WFS1: variants seen among roughly 807,000 people sequenced by gnomAD.
WFS1 encodes the protein wolframin ER transmembrane glycoprotein.
WFS1 carries 90 observed loss-of-function variants against 68.5 expected under a neutral mutation model. The ratio of observed to expected loss-of-function variants is 1.31; its 90% CI spans 1.11 to 1.56. The LOEUF (loss-of-function observed/expected upper bound fraction) is 1.56, where lower values mean the gene tolerates loss of function less well. Among genes scored for constraint, WFS1 ranks in the 40% most tolerant of loss-of-function variants. The pLI is 0.00. For synonymous variants in WFS1, 860 were observed against 540.7 expected (o/e 1.59, Z -8.19); for missense variants, 1,767 against 1,232.6 (o/e 1.43, Z -6.49).
chr4:6,299,708 T>G (rs1730785718), intron 7 of WFS1, among the ~76,000 whole-genome samples: 1 of 122,982 alleles, frequency 8.1e-6, no homozygotes, highest in African/African-American at 3.2e-5. Flanking sequence ...TGAATGTGTG[T>G]GTAGGGGTGG....
Position 6,301,809 on chromosome 4 carries a change from C to T in WFS1, c.2014C>T (p.Leu672=), listed in dbSNP as rs371641193. ...ACTGACCTGGCAGCAGTATGGTGCG[C>T]TGTGCGGGCCACGCGCCTGGAAGGA... The part of the protein sequence containing the change: ...STLTWQQYGA[L]CGPRAWKETN... Residue 672 remains leucine, a synonymous_variant, in exon 8 of 8, where the codon CTG becomes TTG. Coordinates refer to ENST00000226760, the MANE Select transcript of WFS1 (RefSeq NM_006005.3). The T allele has an allele frequency of 2.5e-6, 4 of 1,613,316 alleles. No individual in the cohort carries two copies. Among genetic ancestry groups the T allele is most frequent in the East Asian group, 4.5e-5 (2 of 44,886 alleles).
rs1018522013 is a variant in WFS1, at chr4:6,302,873, T to C, written c.*405T>C. On this transcript the variant is annotated 3_prime_UTR_variant, in exon 8 of 8. Transcript: ENST00000226760. ...TGTTTAAAAACCAAATAAGCATCTG[T>C]GTAACCTCCACAGTAGCATTTCTTA... 1 of 280,738 alleles carries C rather than the reference T, an allele frequency of 3.6e-6. No homozygotes were observed. Among genetic ancestry groups the C allele is most frequent in the African/African-American group, 2.2e-5 (1 of 45,504 alleles). The allele number at this position is 280,738 out of a possible 1,614,324, so 17.4% of individuals were successfully genotyped here.
intron 1 of WFS1, among the ~76,000 whole-genome samples, chr4:6,271,488 G>T (rs1019230091): frequency 6.6e-6 from 1 of 152,152 alleles, no homozygotes; most frequent in Non-Finnish European, 1.5e-5. Context: ...AGACAGACCC[G>T]AAACACCCAT....
At chr4:6,299,293 G>A (rs573397889) in intron 7 of WFS1, among the ~76,000 whole-genome samples, 34 of 152,322 alleles carry the variant, frequency 2.2e-4, no homozygotes, top group African/African-American at 6.7e-4. Flanking sequence ...TGCTCCTCTT[G>A]GCTGTGGTGA....
In WFS1 at chr4:6,301,431, G is replaced by C. The variant is rs774355691; in HGVS notation, c.1636G>C (p.Val546Leu). The C allele has an allele frequency of 6.2e-7, 1 of 1,612,410 alleles. No homozygotes were observed. Among genetic ancestry groups the C allele is most frequent in the East Asian group, 2.2e-5 (1 of 44,882 alleles). Residue 546 changes from valine to leucine, a missense_variant, in exon 8 of 8, where the codon GTC becomes CTC. Coordinates refer to ENST00000226760, the MANE Select transcript of WFS1 (RefSeq NM_006005.3). ...CTTCATGTGGTGTGAGCTCTCCGTG[G>C]TCATCCTGCTGGAGTCCACCGGCCT... ...VCFMWCELSV[V>L]ILLESTGLGL...
chr4:6,290,247 A>G (rs1730425172), intron 4 of WFS1, among the ~76,000 whole-genome samples: 1 of 152,216 alleles, frequency 6.6e-6, no homozygotes, highest in Non-Finnish European at 1.5e-5. Context: ...CTTGTATCAT[A>G]TTTTAAGAGT....
chr4:6,274,623 A>G (rs1028797755), intron 1 of WFS1, among the ~76,000 whole-genome samples: 1 of 152,090 alleles, frequency 6.6e-6, no homozygotes, highest in African/African-American at 2.4e-5. Flanking sequence ...CGGGACAGAC[A>G]TAGCTTGGAA....
At chr4:6,295,623 C>T (rs1246443533) in intron 7 of WFS1, among the ~76,000 whole-genome samples, 8 of 152,224 alleles carry the variant, frequency 5.3e-5, no homozygotes, top group Non-Finnish European at 8.8e-5. Flanking sequence ...CCAGGGAGGA[C>T]GTGCAGAGGC....
chr4:6,293,385 A>C (rs1730524138), intron 6 of WFS1, among the ~76,000 whole-genome samples: 1 of 152,082 alleles, frequency 6.6e-6, no homozygotes, highest in African/African-American at 2.4e-5. Flanking sequence ...CGTTCCCATC[A>C]GGCATCATCT....
In WFS1 at chr4:6,288,292, G is replaced by C. The variant is rs114599657; in HGVS notation, c.316-695G>C. 2.8e-3 allele frequency among the ~76,000 whole-genome samples: 417 copies of C among 151,202 alleles called. 3 individuals carry two copies. Among genetic ancestry groups the C allele is most frequent in the African/African-American group, 9.6e-3 (394 of 41,160 alleles). Reference sequence around the variant, plus strand: ...TTTAAAGTTCCTCCCACATCCTTTTGCCCAGGCATTTGGAGGCGGGGGGAG... The same window carrying C: ...TTTAAAGTTCCTCCCACATCCTTTTCCCCAGGCATTTGGAGGCGGGGGGAG... On this transcript the variant is annotated intron_variant, in intron 3 of 7. Transcript: ENST00000226760.
chr4:6,301,404 T>C lies in WFS1; in HGVS notation c.1609T>C (p.Cys537Arg). 6.2e-7 allele frequency: 1 copy of C among 1,612,592 alleles called. No individual in the cohort carries two copies. Residue 537 changes from cysteine (C) to arginine (R), a missense_variant, in exon 8 of 8, where the codon TGC (cysteine) becomes CGC (arginine). Coordinates refer to ENST00000226760, the MANE Select transcript of WFS1 (RefSeq NM_006005.3). ...TYCYLVPYLV[C>R]FMWCELSVVI... ...CTGCTACCTTGTGCCCTACCTGGTG[T>C]GCTTCATGTGGTGTGAGCTCTCCGT... is the stretch of plus-strand genomic sequence containing the variant.
Position 6,301,890 on chromosome 4 carries a change from A to C in WFS1, c.2095A>C (p.Thr699Pro). Reference protein sequence around the residue: ...LCSHLEGHRVTWTGRFKYVRV... With the variant: ...LCSHLEGHRVPWTGRFKYVRV... ...CAGCCACCTGGAGGGCCACAGGGTCACGTGGACCGGCCGCTTCAAGTACGT... is the reference window on the plus strand; with the variant it reads ...CAGCCACCTGGAGGGCCACAGGGTCCCGTGGACCGGCCGCTTCAAGTACGT... Residue 699 changes from threonine (T) to proline (P), a missense_variant, in exon 8 of 8, where the codon ACG becomes CCG. Transcript: ENST00000226760. 1 of 1,612,910 alleles carries C rather than the reference A, an allele frequency of 6.2e-7. No homozygotes were observed. The highest frequency in any genetic ancestry group is 8.5e-7 in the Non-Finnish European group (1 of 1,179,854).
At position 6,302,636 on chromosome 4, in the gene WFS1, A is replaced by C; in HGVS notation, c.*168A>C. 1.0e-6 allele frequency: 1 copy of C among 955,002 alleles called. No individual in the cohort carries two copies. Among genetic ancestry groups the C allele is most frequent in the Non-Finnish European group, 1.5e-6 (1 of 645,332 alleles). The allele number at this position is 955,002 out of a possible 1,614,324, so 59.2% of individuals were successfully genotyped here. On this transcript the variant is annotated 3_prime_UTR_variant, in exon 8 of 8. Coordinates refer to ENST00000226760, the MANE Select transcript of WFS1 (RefSeq NM_006005.3). ...GATTGCGTGGACCCCGACAAAGGGA[A>C]GGCTGCTGTGTAGCTCTGTCCACTC...
At chr4:6,299,903 G>C (rs1430520710) in intron 7 of WFS1, among the ~76,000 whole-genome samples, 1 of 10,428 alleles carries the variant, frequency 9.6e-5, no homozygotes, top group East Asian at 0.011. Flanking sequence ...GGGGTGGGTT[G>C]TGTGTGTGTG....
rs759100368 is a variant in WFS1 at position 6,287,147 on chromosome 4, A to C, written c.287A>C (p.Lys96Thr). The C allele has an allele frequency of 2.6e-6, 4 of 1,561,430 alleles. No individual in the cohort carries two copies. The highest frequency in any genetic ancestry group is 3.5e-6 in the Non-Finnish European group (4 of 1,151,402). ...TTTGAAGAAGTCCTGGAGAGGGCCA[A>C]GGCCGGGGACCCCAAGGCACAGACT... ...IPFEEVLERA[K>T]AGDPKAQTEV... is the part of the protein sequence containing the mutation. The change falls in exon 3 of 8, where the codon AAG becomes ACG. Residue 96 changes from lysine (K) to threonine (T), a missense_variant. Coordinates refer to ENST00000226760, the MANE Select transcript of WFS1 (RefSeq NM_006005.3). The surrounding 1 kb of genome is among the most constrained non-coding windows in gnomAD (Gnocchi z 6.4).
chr4:6,271,630 C>A (rs1729846014), intron 1 of WFS1, among the ~76,000 whole-genome samples: 1 of 152,194 alleles, frequency 6.6e-6, no homozygotes, highest in African/African-American at 2.4e-5. Flanking sequence ...AACCAGACCA[C>A]CCCCTGTGCC....
rs763464027 is a variant in WFS1 at position 6,302,323 on chromosome 4, A to G, written c.2528A>G (p.Lys843Arg). The G allele has an allele frequency of 3.1e-6, 5 of 1,612,052 alleles. No individual in the cohort carries two copies. The Admixed American group carries it at 8.3e-5, about 27-fold the overall frequency. ...LGSKWPVFEL[K>R]AISCLNCMAQ... ...AGCAAGTGGCCTGTCTTCGAGCTCA[A>G]GGCCATCAGCTGCCTCAACTGCATG... The change falls in exon 8 of 8, where the codon AAG becomes AGG. Residue 843 changes from lysine to arginine, a missense_variant. Transcript: ENST00000226760.
rs578025614 is a variant in WFS1, at chr4:6,299,972, CACGTGTGTGT to C, written c.862-681_862-672del. Among the ~76,000 whole-genome samples, 825 of 150,570 alleles carry C rather than the reference CACGTGTGTGT, an allele frequency of 5.5e-3. 15 individuals carry two copies. Among genetic ancestry groups the C allele is most frequent in the African/African-American group, 0.019 (770 of 40,556 alleles). On this transcript the variant is annotated intron_variant, in intron 7 of 7. Transcript: ENST00000226760. Reference sequence around the variant, plus strand: ...GGGGTGGGTTGCGTGTGTGTGTGTGCACGTGTGTGTACGGGCAGAAGGTGGCCTGGCAGCT... The same window carrying C: ...GGGGTGGGTTGCGTGTGTGTGTGTGCACGGGCAGAAGGTGGCCTGGCAGCT...
chr4:6,301,609 G>A lies in WFS1; in HGVS notation c.1814G>A (p.Ser605Asn), dbSNP rs1468213280. The change falls in exon 8 of 8, where the codon AGT (serine) becomes AAT (asparagine). Residue 605 changes from serine (S) to asparagine (N), a missense_variant. Physicochemically the swap from Ser to Asn is conservative, Grantham distance 46 (BLOSUM62 1). Coordinates refer to ENST00000226760, the MANE Select transcript of WFS1 (RefSeq NM_006005.3). ...ATCGCAGTCACCGTGGCGGTCTGTAGTGTGCCCCTGCTGTTGCGCTGGTGG... is the reference window on the plus strand; with the variant it reads ...ATCGCAGTCACCGTGGCGGTCTGTAATGTGCCCCTGCTGTTGCGCTGGTGG... ...TKIAVTVAVC[S>N]VPLLLRWWTK... The A allele has an allele frequency of 5.0e-6, 8 of 1,614,162 alleles. No individual in the cohort carries two copies. The highest frequency in any genetic ancestry group is 1.7e-5 in the Admixed American group (1 of 60,030).
Sources: allele counts gnomAD v4.1 joint callset (sites outside exome capture counted in the v4.1 genomes callset), GRCh38; gene constraint gnomAD v4.1.1; non-coding constraint Gnocchi (gnomAD v3.1); transcripts MANE v1.5; gene names NCBI Gene and HGNC (gene_info 2026-07-23, HGNC 2026-07-21).